The following IQCH variants were observed in gnomAD, a reference collection of about 807,000 sequenced individuals.
The protein encoded by IQCH is IQ domain-containing protein H.
IQCH carries 98 observed loss-of-function variants against 117.0 expected under a neutral mutation model. The ratio of observed to expected loss-of-function variants is 0.84; its 90% confidence interval spans 0.71 to 0.99. IQCH has a LOEUF of 0.99. Ranked by LOEUF, IQCH falls within the 50% of genes least tolerant of loss-of-function variation. IQCH has a pLI of 0.00. For synonymous variants in IQCH, 412 were observed against 448.2 expected, an observed-to-expected ratio of 0.92 and a Z score of 1.02; for missense variants, 1,102 against 1,243.8, an observed-to-expected ratio of 0.89 and a Z score of 1.72.
At chr15:67,258,941 A>C (rs908739816) in intron 1 of IQCH, among the ~76,000 whole-genome samples, 3 of 152,238 alleles carry the variant, frequency 2.0e-5, no homozygotes, top group African/African-American at 7.2e-5. Context: ...TTATACAAAC[A>C]GATGAGTGGT....
chr15:67,263,005 A>G (rs1965522028), intron 2 of IQCH, 117 bp from the exon 3 acceptor site: 2 of 683,504 alleles, frequency 2.9e-6, no homozygotes, highest in Admixed American at 4.9e-5. Context: ...GTAATAATAC[A>G]TAGCATGTTG....
rs376864110 is a variant in IQCH at position 67,428,862 on chromosome 15, AAGAG to A, written c.2505+7296_2505+7299del. ...GACTCTGTCTCAAAAAAAAAAAAAA[AAGAG>A]AGAGAGAGAGGCAGGGGGATCATAG... On this transcript the variant is annotated intron_variant, in intron 16 of 20. Coordinates refer to ENST00000335894, the MANE Select transcript of IQCH (RefSeq NM_001031715.3). 2.9e-3 allele frequency among the ~76,000 whole-genome samples: 430 copies of A among 150,328 alleles called. 2 individuals carry two copies. The highest frequency in any genetic ancestry group is 9.3e-3 in the African/African-American group (381 of 41,030).
Position 67,417,423 on chromosome 15 carries a change from T to C in IQCH, c.2218+372T>C, listed in dbSNP as rs901126266. Among the ~76,000 whole-genome samples the C allele has an allele frequency of 3.9e-5, 6 of 152,158 alleles. No individual in the cohort carries two copies. The highest frequency in any genetic ancestry group is 7.3e-5 in the Non-Finnish European group (5 of 68,036). ...CTCACTTACCTACCTTACAGGGTCA[T>C]TGGGTGGATTCAATGAAATACAGAT... On this transcript the variant is annotated intron_variant, in intron 15 of 20. Coordinates refer to ENST00000335894, the MANE Select transcript of IQCH (RefSeq NM_001031715.3). The surrounding 1 kb of genome is among the most constrained non-coding windows in gnomAD (Gnocchi z 4.3).
intron 6 of IQCH, among the ~76,000 whole-genome samples, chr15:67,346,879 T>C (rs192677927): frequency 1.3e-5 from 2 of 152,094 alleles, no homozygotes; most frequent in Admixed American, 1.3e-4. Context: ...AGAATTAAAC[T>C]AAAAAGTAGA....
Position 67,406,975 on chromosome 15 carries a change from G to A in IQCH, c.2097+6670G>A, listed in dbSNP as rs1971934319. ...ACAAAATACAGGTAACATTGAACAA[G>A]TACATACAACTTAATCTTTCTTTGG... On this transcript the variant is annotated intron_variant, in intron 14 of 20. Coordinates refer to ENST00000335894, the MANE Select transcript of IQCH (RefSeq NM_001031715.3). This position sits in a 1 kb window ranked among gnomAD's most constrained non-coding sequence, Gnocchi z 4.5. The A allele has an allele frequency of 6.6e-6, 1 of 152,180 alleles. No individual in the cohort carries two copies. The highest frequency in any genetic ancestry group is 2.4e-5 in the African/African-American group (1 of 41,456). 9.4% of individuals were successfully genotyped at this position (152,180 alleles called of 1,614,324 possible).
intron 4 of IQCH, among the ~76,000 whole-genome samples, chr15:67,323,193 C>G (rs575232048): frequency 6.6e-6 from 1 of 152,010 alleles, no homozygotes; most frequent in East Asian, 1.9e-4. Flanking sequence ...CTATTTATCC[C>G]ATCCATTTTT....
At chr15:67,420,843 G>T (rs899382726) in intron 15 of IQCH, among the ~76,000 whole-genome samples, 4 of 152,132 alleles carry the variant, frequency 2.6e-5, no homozygotes, top group African/African-American at 9.7e-5. Flanking sequence ...CCCACAAAAA[G>T]CCCAAACCTG....
rs1267633498 is a variant in IQCH at position 67,416,848 on chromosome 15, A to AGG, written c.2098-82_2098-81dup. The AGG allele has an allele frequency of 8.6e-7, 1 of 1,157,172 alleles. No individual in the cohort carries two copies. The highest frequency in any genetic ancestry group is 1.6e-5 in the African/African-American group (1 of 62,502). 71.7% of individuals were successfully genotyped at this position (1,157,172 alleles called of 1,614,324 possible). ...TAACCACATTTTTTTTGCCTGTTGG[A>AGG]GGCCTGGTTTTTAATCACTCCACAA... On this transcript the variant is annotated intron_variant, in intron 14 of 20. Transcript: ENST00000335894. The surrounding 1 kb of genome is among the most constrained non-coding windows in gnomAD (Gnocchi z 5.1).
intron 6 of IQCH, among the ~76,000 whole-genome samples, chr15:67,351,668 T>A (rs1357529138): frequency 6.6e-6 from 1 of 152,204 alleles, no homozygotes. Context: ...TGCCAACTCT[T>A]ACTATAGTTA....
intron 10 of IQCH, among the ~76,000 whole-genome samples, chr15:67,377,127 A>AAAAAGGAC (rs1555470650): frequency 6.6e-5 from 10 of 150,718 alleles, no homozygotes; most frequent in African/African-American, 2.2e-4. Flanking sequence ...AAAAAAAAAA[A>AAAAAGGAC]AAAAGAAAAA....
intron 4 of IQCH, among the ~76,000 whole-genome samples, chr15:67,330,119 G>A (rs1241355167): frequency 6.6e-6 from 1 of 152,102 alleles, no homozygotes; most frequent in Non-Finnish European, 1.5e-5. Flanking sequence ...AGTAGAGTCA[G>A]TAGGTTCCTA....
At chr15:67,287,054 GT>G (rs1346590686) in intron 4 of IQCH, among the ~76,000 whole-genome samples, 1 of 152,138 alleles carries the variant, frequency 6.6e-6, no homozygotes, top group Non-Finnish European at 1.5e-5. Context: ...CCTCTATTCT[GT>G]TGATATGATG....
Position 67,370,958 on chromosome 15 carries a change from T to A in IQCH, c.754-1153T>A, listed in dbSNP as rs1751280789. Among the ~76,000 whole-genome samples, 1 of 119,162 alleles carries A rather than the reference T, an allele frequency of 8.4e-6. No individual in the cohort carries two copies. The highest frequency in any genetic ancestry group is 3.1e-5 in the African/African-American group (1 of 32,754). The allele number at this position is 119,162 out of a possible 152,430, so 78.2% of individuals were successfully genotyped here. A position where few individuals can be genotyped will look rare whatever the true frequency, so the allele number is the denominator to read the frequency against. The stretch of plus-strand genomic sequence containing the variant: ...CTGTGGCGTAATCATTATGGATAAA[T>A]TGCTGGGGGGGGTTTTCTTTGAGTT... On this transcript the variant is annotated intron_variant, in intron 8 of 20. Transcript: ENST00000335894. This position sits in a 1 kb window ranked among gnomAD's most constrained non-coding sequence, Gnocchi z 5.6.
intron 4 of IQCH, among the ~76,000 whole-genome samples, chr15:67,310,410 A>G (rs538557812): frequency 2.0e-5 from 3 of 152,192 alleles, no homozygotes; most frequent in East Asian, 1.9e-4. Flanking sequence ...ATCTGCTCAT[A>G]TACACTCCTG....
chr15:67,358,207 C>CTTTTTTTTTCTTTT (rs1969988803), intron 7 of IQCH, among the ~76,000 whole-genome samples: 1 of 10,450 alleles, frequency 9.6e-5, no homozygotes, highest in Non-Finnish European at 1.7e-4. Context: ...ACTTTCTTTT[C>CTTTTTTTTTCTTTT]TTTTTTTTTT....
At chr15:67,360,078 C>T (rs998652207) in intron 8 of IQCH, 193 bp downstream of exon 8, 1 of 535,898 alleles carries the variant, frequency 1.9e-6, no homozygotes, top group Admixed American at 3.6e-5. Flanking sequence ...AAGTGAAAAC[C>T]CTTTTTTGCC....
intron 15 of IQCH, among the ~76,000 whole-genome samples, chr15:67,419,199 T>C (rs1437153253): frequency 6.6e-6 from 1 of 152,114 alleles, no homozygotes; most frequent in Non-Finnish European, 1.5e-5. Flanking sequence ...AGCTCAGAGA[T>C]TGGAGGGGAC....
At chr15:67,347,117 C>A (rs1453423731) in intron 6 of IQCH, among the ~76,000 whole-genome samples, 1 of 149,052 alleles carries the variant, frequency 6.7e-6, no homozygotes, top group Admixed American at 6.7e-5. Flanking sequence ...CTCTAAAAAA[C>A]CAGAAAAAGA....
rs1029067706 is a variant in IQCH at position 67,381,298 on chromosome 15, C to T, written c.1373-3638C>T. Among the ~76,000 whole-genome samples, 4 of 152,220 alleles carry T rather than the reference C, an allele frequency of 2.6e-5. No homozygotes were observed. Among genetic ancestry groups the T allele is most frequent in the Admixed American group, 2.6e-4 (4 of 15,278 alleles). ...ATGATTGCCAGTAACCCTTGATGAG[C>T]AACCTTGGTTCAGTGGGGGACCAGA... On this transcript the variant is annotated intron_variant, in intron 10 of 20. Coordinates refer to ENST00000335894, the MANE Select transcript of IQCH (RefSeq NM_001031715.3). This position sits in a 1 kb window ranked among gnomAD's most constrained non-coding sequence, Gnocchi z 5.1.
Sources: gnomAD v4.1 joint callset for allele counts (sites outside exome capture counted in the v4.1 genomes callset) on GRCh38, gnomAD v4.1.1 for gene constraint, Gnocchi (gnomAD v3.1) non-coding constraint, MANE v1.5 for transcripts, NCBI Gene and HGNC (gene_info 2026-07-23, HGNC 2026-07-21) for gene names.